The following AUTS2 variants were observed in gnomAD, a reference collection of about 807,000 sequenced individuals.
AUTS2 encodes the protein autism susceptibility gene 2 protein.
Under a neutral mutation model 112.4 loss-of-function variants are expected in AUTS2, and 17 were observed. The observed-to-expected ratio is 0.15, with a 90% CI of 0.10 to 0.23. AUTS2 has a LOEUF of 0.23. Ranked by LOEUF, AUTS2 falls within the 10% of genes least tolerant of loss-of-function variation. AUTS2 has a pLI of 1.00. For synonymous variants in AUTS2, 751 were observed against 702.7 expected (o/e 1.07, Z -1.09); for missense variants, 1,510 against 1,701.6 (o/e 0.89, Z 1.98).
intron 5 of AUTS2, among the ~76,000 whole-genome samples, chr7:70,516,775 A>G (rs111936863): frequency 5.9e-5 from 9 of 152,322 alleles, no homozygotes; most frequent in African/African-American, 1.4e-4. Context: ...AGCCACAGTG[A>G]TGCTTGACCA....
chr7:69,717,393 G>A (rs1798668039), intron 1 of AUTS2, among the ~76,000 whole-genome samples: 1 of 152,234 alleles, frequency 6.6e-6, no homozygotes, highest in Non-Finnish European at 1.5e-5. Flanking sequence ...GGGCATTAGA[G>A]AGTGTGAGAG....
chr7:69,748,287 G>C (rs1479614743), intron 1 of AUTS2, among the ~76,000 whole-genome samples: 1 of 152,196 alleles, frequency 6.6e-6, no homozygotes, highest in African/African-American at 2.4e-5. Context: ...GAAACTGCGT[G>C]TGTGGGGAGA....
chr7:69,913,735 CTCAGGGTAT>C (rs1165690068), intron 2 of AUTS2, among the ~76,000 whole-genome samples: 1 of 152,172 alleles, frequency 6.6e-6, no homozygotes, highest in African/African-American at 2.4e-5. Context: ...TCAACTGCTT[CTCAGGGTAT>C]TCAGATTGAA....
chr7:70,485,681 A>G (rs1220751901), intron 5 of AUTS2, among the ~76,000 whole-genome samples: 1 of 144,890 alleles, frequency 6.9e-6, no homozygotes, highest in Non-Finnish European at 1.5e-5. Flanking sequence ...CACGAGACTC[A>G]TATGTGTGTT....
chr7:69,901,768 CAGA>C (rs1353578314), intron 2 of AUTS2, among the ~76,000 whole-genome samples: 1 of 152,170 alleles, frequency 6.6e-6, no homozygotes, highest in East Asian at 1.9e-4. Context: ...AGAAGGAATG[CAGA>C]AGGTGATAAT....
rs534062468 is a variant in AUTS2 at position 70,628,581 on chromosome 7, T to TC, written c.691-69981dup. Among the ~76,000 whole-genome samples the TC allele has an allele frequency of 3.7e-4, 56 of 149,876 alleles. 1 individual carries two copies. In the South Asian group the frequency reaches 5.7e-3, roughly 15 times the overall value. ...AATAGTATACCTACATCCCTCCCCC[T>TC]CCCCCCCAAAAAATCCAGTAATCAG... On this transcript the variant is annotated intron_variant, in intron 5 of 18. Coordinates refer to ENST00000342771, the MANE Select transcript of AUTS2 (RefSeq NM_015570.4).
intron 9 of AUTS2, 123 bp from the exon 10 acceptor site, chr7:70,767,901 G>A: frequency 2.3e-6 from 2 of 870,206 alleles, no homozygotes; most frequent in Non-Finnish European, 1.8e-6. Flanking sequence ...GGTTTCATAT[G>A]TAATGAGGTT....
At chr7:70,753,599 GTC>G (rs1789000583) in intron 6 of AUTS2, among the ~76,000 whole-genome samples, 2 of 152,158 alleles carry the variant, frequency 1.3e-5, no homozygotes, top group Admixed American at 1.3e-4. Flanking sequence ...GAACAAACTG[GTC>G]TCTGCTTAAT....
At chr7:69,676,409 G>C (rs1231168618) in intron 1 of AUTS2, among the ~76,000 whole-genome samples, 1 of 152,184 alleles carries the variant, frequency 6.6e-6, no homozygotes, top group Non-Finnish European at 1.5e-5. Context: ...CTGAGGCAAG[G>C]CCATGTCCTG....
chr7:70,101,513 A>G (rs887804335), intron 2 of AUTS2, among the ~76,000 whole-genome samples: 1 of 152,030 alleles, frequency 6.6e-6, no homozygotes, highest in African/African-American at 2.4e-5. Context: ...TGAACAAAAC[A>G]GTGAAACACC....
At chr7:70,091,832 A>G (rs939312805) in intron 2 of AUTS2, among the ~76,000 whole-genome samples, 1 of 152,224 alleles carries the variant, frequency 6.6e-6, no homozygotes, top group African/African-American at 2.4e-5. Context: ...TATACCCAAC[A>G]TGTAGGAATA....
chr7:69,941,983 A>T (rs565374985), intron 2 of AUTS2, among the ~76,000 whole-genome samples: 1 of 152,326 alleles, frequency 6.6e-6, no homozygotes, highest in East Asian at 1.9e-4. Flanking sequence ...GAAAGACCTG[A>T]AAGAGACAGG....
intron 2 of AUTS2, among the ~76,000 whole-genome samples, chr7:70,046,396 GCA>G (rs1482659094): frequency 6.6e-6 from 1 of 152,252 alleles, no homozygotes; most frequent in African/African-American, 2.4e-5. Flanking sequence ...GCTAGGATTC[GCA>G]CATACTACAT....
chr7:69,646,163 A>G (rs1005148001), intron 1 of AUTS2, among the ~76,000 whole-genome samples: 7 of 151,932 alleles, frequency 4.6e-5, no homozygotes, highest in African/African-American at 1.7e-4. Context: ...AACTAGTATA[A>G]TACAACCTGA....
At chr7:69,868,708 C>G (rs1281451196) in intron 1 of AUTS2, among the ~76,000 whole-genome samples, 1 of 152,190 alleles carries the variant, frequency 6.6e-6, no homozygotes, top group Non-Finnish European at 1.5e-5. Flanking sequence ...TTTGTCTCCT[C>G]ATTTTATAAG....
intron 4 of AUTS2, among the ~76,000 whole-genome samples, chr7:70,414,256 T>C (rs1312079886): frequency 6.6e-6 from 1 of 152,034 alleles, no homozygotes; most frequent in Non-Finnish European, 1.5e-5. Context: ...TCATGTAGAG[T>C]AATGGGTCCA....
chr7:69,724,774 C>T (rs1044686040), intron 1 of AUTS2, among the ~76,000 whole-genome samples: 8 of 152,136 alleles, frequency 5.3e-5, no homozygotes, highest in African/African-American at 1.4e-4. Context: ...TGAATATGGG[C>T]GTGAAAAATG....
Position 70,764,931 on chromosome 7 carries a change from C to T in AUTS2, c.1394C>T (p.Ala465Val), listed in dbSNP as rs769270137. ...HHPNMFAPPT[A>V]LPPPPPLTSG... ...CCCAATATGTTTGCCCCTCCCACTG[C>T]TCTGCCTCCTCCACCACCACTGACA... Residue 465 changes from alanine (A) to valine (V), a missense_variant, in exon 8 of 19, where the codon GCT (alanine) becomes GTT (valine). Around this residue, in one of 3 missense-constraint regions of AUTS2, gnomAD observed 535 missense variants for 594.3 expected, o/e 0.90. Transcript: ENST00000342771. The T allele has an allele frequency of 1.9e-6, 3 of 1,612,444 alleles. No individual in the cohort carries two copies. Among genetic ancestry groups the T allele is most frequent in the Non-Finnish European group, 2.5e-6 (3 of 1,179,684 alleles).
chr7:70,674,183 G>A (rs865923510), intron 5 of AUTS2, among the ~76,000 whole-genome samples: 5 of 152,178 alleles, frequency 3.3e-5, no homozygotes, highest in African/African-American at 1.2e-4. Flanking sequence ...TGGGGGAGGG[G>A]GGCCCTGAGA....
Sources: allele counts gnomAD v4.1 joint callset (sites outside exome capture counted in the v4.1 genomes callset), GRCh38; gene constraint gnomAD v4.1.1; regional missense constraint gnomAD v4.1.1; transcripts MANE v1.5; gene names NCBI Gene and HGNC (gene_info 2026-07-23, HGNC 2026-07-21).